Variants in CDH13 observed in about 807,000 individuals in gnomAD.
CDH13 encodes the protein cadherin 13.
In CDH13, 24 loss-of-function variants were observed where a neutral mutation model predicts 63.8. The observed-to-expected ratio is 0.38, with a 90% CI of 0.27 to 0.53. The LOEUF (loss-of-function observed/expected upper bound fraction) is 0.53, where lower values mean the gene tolerates loss of function less well. Ranked by LOEUF, CDH13 falls within the 20% of genes least tolerant of loss-of-function variation. CDH13 has a pLI of 0.85. For synonymous variants in CDH13, 503 were observed against 355.3 expected (o/e 1.42, Z -4.67); for missense variants, 1,049 against 903.1 (o/e 1.16, Z -2.07).
intron 1 of CDH13, among the ~76,000 whole-genome samples, chr16:82,653,744 A>G (rs888759220): frequency 2.0e-5 from 3 of 152,140 alleles, no homozygotes; most frequent in Non-Finnish European, 4.4e-5. Context: ...GGGATTTTTC[A>G]GCAGCAGTGA....
intron 1 of CDH13, among the ~76,000 whole-genome samples, chr16:82,630,277 A>G (rs922601547): frequency 2.0e-5 from 3 of 152,210 alleles, no homozygotes; most frequent in Admixed American, 6.5e-5. Flanking sequence ...CCAGAGCACT[A>G]GGGAAATGGA....
intron 4 of CDH13, among the ~76,000 whole-genome samples, chr16:83,132,452 CCTT>C (rs1359916205): frequency 2.5e-4 from 24 of 96,774 alleles, no homozygotes; most frequent in African/African-American, 8.5e-4. Flanking sequence ...AACACCCCCC[CCTT>C]TTTTTTTTTT....
chr16:83,284,845 G>A (rs1038268262), intron 5 of CDH13, among the ~76,000 whole-genome samples: 3 of 151,986 alleles, frequency 2.0e-5, no homozygotes, highest in Non-Finnish European at 2.9e-5. Context: ...TTCAGTATAC[G>A]TTGAAGGAAA....
intron 1 of CDH13, among the ~76,000 whole-genome samples, chr16:82,816,350 C>A (rs1416306220): frequency 2.0e-5 from 3 of 151,970 alleles, no homozygotes; most frequent in Admixed American, 6.6e-5. Context: ...GACACACAGA[C>A]AAAAATCCCT....
intron 1 of CDH13, among the ~76,000 whole-genome samples, chr16:82,785,135 C>G (rs1221973658): frequency 6.6e-6 from 1 of 151,966 alleles, no homozygotes; most frequent in Non-Finnish European, 1.5e-5. Context: ...AGGGGAGAGA[C>G]GGGGGCTTGC....
intron 5 of CDH13, among the ~76,000 whole-genome samples, chr16:83,344,320 T>C (rs1332767152): frequency 6.6e-6 from 1 of 152,198 alleles, no homozygotes; most frequent in Non-Finnish European, 1.5e-5. Context: ...TCCGAAATTG[T>C]AAACAGCCTG....
At chr16:83,041,973 T>A (rs1313986011) in intron 3 of CDH13, among the ~76,000 whole-genome samples, 1 of 152,182 alleles carries the variant, frequency 6.6e-6, no homozygotes, top group Non-Finnish European at 1.5e-5. Context: ...TTTCCCCTCT[T>A]TCCTGATCTC....
intron 1 of CDH13, among the ~76,000 whole-genome samples, chr16:82,753,850 C>T (rs755963711): frequency 6.6e-6 from 1 of 152,184 alleles, no homozygotes. Context: ...CAGTCCTGGG[C>T]ACCCCATCTC....
At chr16:82,645,739 C>T (rs1480928559) in intron 1 of CDH13, among the ~76,000 whole-genome samples, 1 of 152,050 alleles carries the variant, frequency 6.6e-6, no homozygotes, top group Admixed American at 6.5e-5. Context: ...CACAGCAAGC[C>T]GCTATTCATG....
At chr16:82,734,813 G>A (rs567136487) in intron 1 of CDH13, among the ~76,000 whole-genome samples, 37 of 152,322 alleles carry the variant, frequency 2.4e-4, no homozygotes, top group African/African-American at 7.5e-4. Flanking sequence ...GGCAACAACA[G>A]TTACAAGGAA....
chr16:83,512,104 G>A (rs1030612284), intron 7 of CDH13, among the ~76,000 whole-genome samples: 3 of 151,808 alleles, frequency 2.0e-5, no homozygotes, highest in East Asian at 1.9e-4. Flanking sequence ...GGCGGATCAC[G>A]AGGTCTGGAG....
intron 2 of CDH13, among the ~76,000 whole-genome samples, chr16:83,022,558 A>G (rs907661119): frequency 6.6e-6 from 1 of 152,228 alleles, no homozygotes; most frequent in Non-Finnish European, 1.5e-5. Context: ...ACTTTTTCCA[A>G]GACTAGCACA....
intron 3 of CDH13, among the ~76,000 whole-genome samples, chr16:83,096,157 T>C (rs2034181892): frequency 6.6e-6 from 1 of 152,222 alleles, no homozygotes; most frequent in Non-Finnish European, 1.5e-5. Context: ...GGCATTAGCC[T>C]GTACCAGCTA....
chr16:83,283,102 C>G (rs959438070), intron 5 of CDH13, among the ~76,000 whole-genome samples: 2 of 152,132 alleles, frequency 1.3e-5, no homozygotes, highest in Non-Finnish European at 2.9e-5. Flanking sequence ...TGTTGGTCCT[C>G]TTCTCTAGAA....
At chr16:83,649,598 C>A (rs11859158) in intron 8 of CDH13, among the ~76,000 whole-genome samples, 1 of 152,168 alleles carries the variant, frequency 6.6e-6, no homozygotes, top group Non-Finnish European at 1.5e-5. Flanking sequence ...AGTACATAGC[C>A]GGTGGGAGCC....
intron 1 of CDH13, among the ~76,000 whole-genome samples, chr16:82,696,096 T>G (rs571933870): frequency 6.6e-6 from 1 of 152,334 alleles, no homozygotes; most frequent in Non-Finnish European, 1.5e-5. Context: ...GGAAAGCCCC[T>G]AGATTTGTGT....
chr16:82,727,587 C>T (rs1337344059), intron 1 of CDH13: 2 of 152,142 alleles, frequency 1.3e-5, no homozygotes, highest in South Asian at 2.1e-4. Context: ...GAGCTCATCC[C>T]ATTTAGAACA....
intron 2 of CDH13, among the ~76,000 whole-genome samples, chr16:82,956,151 G>A (rs1000428439): frequency 2.6e-5 from 4 of 151,474 alleles, no homozygotes; most frequent in African/African-American, 4.9e-5. Context: ...GCTACTCACC[G>A]TGCTGTTGCC....
intron 1 of CDH13, chr16:82,773,559 G>A (rs1272935643): frequency 1.3e-5 from 2 of 152,210 alleles, no homozygotes; most frequent in Non-Finnish European, 2.9e-5. Flanking sequence ...TTTATCATGT[G>A]TTTTATCCTG....
Sources: gnomAD v4.1 joint callset for allele counts (sites outside exome capture counted in the v4.1 genomes callset) on GRCh38, gnomAD v4.1.1 for gene constraint, MANE v1.5 for transcripts, NCBI Gene and HGNC (gene_info 2026-07-23, HGNC 2026-07-21) for gene names.